The following CR1 variants were observed in gnomAD, a reference collection of about 807,000 sequenced individuals.
CR1 encodes complement receptor type 1.
A neutral mutation model predicts 187.3 loss-of-function variants in CR1; 116 were observed. That is an observed-to-expected ratio of 0.62 (90% CI 0.53 to 0.72). The LOEUF (loss-of-function observed/expected upper bound fraction) is 0.72. Among genes scored for constraint, CR1 ranks in the 30% least tolerant of loss-of-function variants. The probability of loss-of-function intolerance (pLI) is 0.00; values close to 1 mark genes in which losing one functional copy is unlikely to be tolerated. For missense variants in CR1, 1,731 were observed against 2,110.7 expected (o/e 0.82, Z 3.52); for synonymous variants, 576 against 747.1 (o/e 0.77, Z 3.73).
intron 45 of CR1, among the ~76,000 whole-genome samples, chr1:207,627,008 A>T (rs917972861): frequency 2.5e-4 from 38 of 152,238 alleles, no homozygotes; most frequent in Non-Finnish European, 7.3e-5. Context: ...ACTGCACTCC[A>T]GCCTGGGCAA....
At chr1:207,506,587 A>G (rs1017229219) in intron 2 of CR1, 127 bp from the exon 3 acceptor site, 4 of 771,770 alleles carry the variant, frequency 5.2e-6, no homozygotes, top group Non-Finnish European at 8.5e-6. Context: ...TCAAGGTAGC[A>G]AAATCTGTGG....
At chr1:207,499,925 AT>A (rs1659214550) in intron 1 of CR1, among the ~76,000 whole-genome samples, 2 of 152,210 alleles carry the variant, frequency 1.3e-5, no homozygotes, top group Admixed American at 6.5e-5. Context: ...GATCCCAGTA[AT>A]AAAACCAACT....
chr1:207,525,515 T>C (rs967738470), intron 5 of CR1, among the ~76,000 whole-genome samples: 7 of 151,854 alleles, frequency 4.6e-5, no homozygotes, highest in Non-Finnish European at 1.0e-4. Flanking sequence ...ATCGTTACAA[T>C]TGAAGCTGTA....
chr1:207,503,024 G>A (rs1450340288), intron 1 of CR1, among the ~76,000 whole-genome samples: 2 of 152,206 alleles, frequency 1.3e-5, no homozygotes, highest in African/African-American at 4.8e-5. Context: ...ACTCTTGGAA[G>A]CAAAGCAAGC....
chr1:207,568,399 T>C lies in CR1; in HGVS notation c.4171+357T>C, dbSNP rs552121802. Among the ~76,000 whole-genome samples the C allele has an allele frequency of 8.5e-4, 78 of 92,078 alleles. 1 individual carries two copies. The highest frequency in any genetic ancestry group is 8.3e-3 in the Admixed American group (67 of 8,044). 60.4% of individuals were successfully genotyped at this position (92,078 alleles called of 152,430 possible). On this transcript the variant is annotated intron_variant, in intron 25 of 46. Coordinates refer to ENST00000367049, the MANE Select transcript of CR1 (RefSeq NM_000651.6). ...AGGAAACGTCTTGAGTTCCCGCCCA[T>C]GCTTGACAGCCTCTCATTGGAGTTT...
At chr1:207,524,126 T>C (rs1558227406) in intron 5 of CR1, 117 bp downstream of exon 5, 1 of 1,589,204 alleles carries the variant, frequency 6.3e-7, no homozygotes, top group Non-Finnish European at 8.6e-7. Flanking sequence ...AGGAGCAAAT[T>C]TTCTAGGTAG....
rs577982895 is a variant in CR1 at position 207,504,356 on chromosome 1, A to G, written c.122-1548A>G. The stretch of plus-strand genomic sequence containing the variant: ...TTTCTAGAGGCAGAGATATTTTATT[A>G]TAATAAAGAAGGTTGCTCTACCATA... On this transcript the variant is annotated intron_variant, in intron 1 of 46. Transcript: ENST00000367049. Among the ~76,000 whole-genome samples, 3 of 152,370 alleles carry G rather than the reference A, an allele frequency of 2.0e-5. No homozygotes were observed. In the South Asian group the frequency reaches 6.2e-4, roughly 32 times the overall value.
chr1:207,639,072 C>A (rs567448929), intron 46 of CR1, among the ~76,000 whole-genome samples: 53 of 152,360 alleles, frequency 3.5e-4, no homozygotes, highest in Admixed American at 7.2e-4. Context: ...TGAGGCTGGC[C>A]CCTTTGCTCA....
chr1:207,511,332 TA>T (rs554713408), intron 3 of CR1, among the ~76,000 whole-genome samples: 1 of 152,098 alleles, frequency 6.6e-6, no homozygotes, highest in South Asian at 2.1e-4. Flanking sequence ...TAGATTTGCA[TA>T]AAAAAGTGTC....
At chr1:207,596,298 A>T (rs931914086) in intron 35 of CR1, among the ~76,000 whole-genome samples, 31 of 152,160 alleles carry the variant, frequency 2.0e-4, no homozygotes, top group Middle Eastern at 3.4e-3. Flanking sequence ...TCCATTGGTA[A>T]AATCACTTTG....
intron 1 of CR1, among the ~76,000 whole-genome samples, chr1:207,498,189 T>G (rs943961868): frequency 7.2e-5 from 11 of 152,234 alleles, no homozygotes; most frequent in Admixed American, 2.6e-4. Flanking sequence ...GTAATGCATG[T>G]GACAGTGTTT....
chr1:207,632,453 A>G (rs1662672596), intron 46 of CR1, among the ~76,000 whole-genome samples: 1 of 152,244 alleles, frequency 6.6e-6, no homozygotes, highest in Admixed American at 6.5e-5. Context: ...AAACACATTT[A>G]TAAGGGAGGA....
rs55715268 is a variant in CR1 at position 207,506,768 on chromosome 1, A to C, written c.356A>C (p.Lys119Thr). ...DPVNGMVHVI[K>T]GIQFGSQIKY... The stretch of plus-strand genomic sequence containing the variant: ...GTGAATGGCATGGTGCATGTGATCA[A>C]AGGCATCCAGTTCGGATCCCAAATT... Residue 119 changes from lysine to threonine, a missense_variant, in exon 3 of 47, where the codon AAA becomes ACA. By Grantham distance (78) the Lys-to-Thr change is moderately conservative (BLOSUM62 -1). This residue lies in a region of CR1 where 237 missense variants were observed against 240.4 expected (regional missense o/e 0.99). Transcript: ENST00000367049. 5.3e-5 allele frequency: 85 copies of C among 1,613,638 alleles called. No individual in the cohort carries two copies. Among genetic ancestry groups the C allele is most frequent in the Non-Finnish European group, 6.6e-5 (78 of 1,179,736 alleles).
intron 4 of CR1, among the ~76,000 whole-genome samples, chr1:207,512,794 A>T (rs959548986): frequency 4.6e-5 from 7 of 152,250 alleles, no homozygotes; most frequent in Non-Finnish European, 8.8e-5. Flanking sequence ...TATGAAAAAG[A>T]TTAGTAAAAT....
At chr1:207,636,251 T>A (rs1662808815) in intron 46 of CR1, among the ~76,000 whole-genome samples, 1 of 152,168 alleles carries the variant, frequency 6.6e-6, no homozygotes, top group Non-Finnish European at 1.5e-5. Flanking sequence ...GTGACAGGGT[T>A]AAGATTTGCG....
chr1:207,588,884 A>G (rs767672595), intron 35 of CR1, 110 bp downstream of exon 35: 91 of 696,220 alleles, frequency 1.3e-4, no homozygotes, highest in Non-Finnish European at 2.1e-4. Context: ...CTTTAAAAGC[A>G]AGCAATAGGA....
intron 24 of CR1, among the ~76,000 whole-genome samples, chr1:207,566,828 G>T (rs1660513413): frequency 6.7e-6 from 1 of 150,190 alleles, no homozygotes; most frequent in Non-Finnish European, 1.5e-5. Context: ...TGGAAAACGT[G>T]TTTCTTTAGA....
At chr1:207,618,301 G>A (rs1007127863) in intron 42 of CR1, 54 bp downstream of exon 42, 3 of 1,512,800 alleles carry the variant, frequency 2.0e-6, no homozygotes, top group African/African-American at 2.8e-5. Context: ...GAATGCATGA[G>A]GCTTGTAAGG....
At position 207,511,622 on chromosome 1, in the gene CR1, T is replaced by C; in HGVS notation, c.455T>C (p.Val152Ala). 1.2e-6 allele frequency: 2 copies of C among 1,613,382 alleles called. No homozygotes were observed. The highest frequency in any genetic ancestry group is 1.7e-6 in the Non-Finnish European group (2 of 1,179,472). The change falls in exon 4 of 47, where the codon GTC (valine) becomes GCC (alanine). Residue 152 changes from valine to alanine, a missense_variant. Val to Ala is a moderately conservative substitution (Grantham distance 64). Transcript: ENST00000367049. ...SATCIISGDT[V>A]IWDNETPICD... is the part of the protein sequence containing the mutation. ...ACATGCATCATCTCAGGTGATACTG[T>C]CATTTGGGATAATGAAACACCTATT...
Sources: gnomAD v4.1 joint callset for allele counts (sites outside exome capture counted in the v4.1 genomes callset) on GRCh38, gnomAD v4.1.1 for gene constraint, gnomAD v4.1.1 regional missense constraint, MANE v1.5 for transcripts, NCBI Gene and HGNC (gene_info 2026-07-23, HGNC 2026-07-21) for gene names.